USH2A: variants seen among roughly 807,000 people sequenced by gnomAD.
USH2A encodes Usher syndrome 2A (autosomal recessive, mild).
USH2A carries 443 observed loss-of-function variants against 538.9 expected under a neutral mutation model. The observed-to-expected ratio is 0.82, with a 90% CI of 0.76 to 0.89. The LOEUF is 0.89. USH2A is among the 40% of genes least tolerant of loss of function. The probability of loss-of-function intolerance (pLI) is 0.00; values close to 1 mark genes in which losing one functional copy is unlikely to be tolerated. For missense variants in USH2A, 6,633 were observed against 6,324.8 expected (o/e 1.05, Z -1.65); for synonymous variants, 2,413 against 2,273.5 (o/e 1.06, Z -1.75).
At chr1:216,016,164 T>TGGG (rs34992985) in intron 32 of USH2A, among the ~76,000 whole-genome samples, 1 of 68,060 alleles carries the variant, frequency 1.5e-5, no homozygotes, top group African/African-American at 6.0e-5. Flanking sequence ...GGACACAGGG[T>TGGG]GGGGAACATC....
chr1:215,900,771 T>C lies in USH2A; in HGVS notation c.7435A>G (p.Thr2479Ala). Residue 2479 changes from threonine to alanine, a missense_variant, in exon 39 of 72, where the codon ACC becomes GCC. By Grantham distance (58) the Thr-to-Ala change is moderately conservative (BLOSUM62 0). Transcript: ENST00000307340. ...AATGCTCACTCTAGAAATCCATGGG[T>C]GGAGTCGCCAGACCTCATCTGGAGT... ...YQLQMRSGDS[T>A]HGFLELFSNP... 6.2e-7 allele frequency: 1 copy of C among 1,613,564 alleles called. No individual in the cohort carries two copies. Among genetic ancestry groups the C allele is most frequent in the Non-Finnish European group, 8.5e-7 (1 of 1,179,698 alleles).
chr1:215,853,814 A>C (rs1350223235), intron 44 of USH2A, among the ~76,000 whole-genome samples: 1 of 152,130 alleles, frequency 6.6e-6, no homozygotes, highest in African/African-American at 2.4e-5. Context: ...CAAATTCCTC[A>C]TCTCCATCTG....
At chr1:215,655,815 G>C (rs888043927) in intron 64 of USH2A, among the ~76,000 whole-genome samples, 1 of 142,240 alleles carries the variant, frequency 7.0e-6, no homozygotes, top group Non-Finnish European at 1.5e-5. Context: ...GACTCACTGC[G>C]ATCTCCACCT....
intron 3 of USH2A, among the ~76,000 whole-genome samples, chr1:216,371,163 T>C: frequency 6.6e-6 from 1 of 152,236 alleles, no homozygotes; most frequent in East Asian, 1.9e-4. Context: ...ATAACTTCAG[T>C]TCACAAGTTC....
At chr1:216,331,934 A>G (rs140660528) in intron 4 of USH2A, among the ~76,000 whole-genome samples, 17 of 152,280 alleles carry the variant, frequency 1.1e-4, no homozygotes, top group African/African-American at 3.8e-4. Context: ...CAACTTATTG[A>G]GAACTCTGGA....
At chr1:216,133,869 T>C (rs567458702) in intron 21 of USH2A, among the ~76,000 whole-genome samples, 2 of 152,278 alleles carry the variant, frequency 1.3e-5, no homozygotes, top group African/African-American at 4.8e-5. Context: ...TTTCCTTTTT[T>C]AGTAAACTCA....
chr1:216,281,954 T>C (rs1331882871), intron 11 of USH2A, among the ~76,000 whole-genome samples: 1 of 149,392 alleles, frequency 6.7e-6, no homozygotes, highest in Non-Finnish European at 1.5e-5. Flanking sequence ...ATTTCCCTGA[T>C]GACTAATGTC....
intron 4 of USH2A, among the ~76,000 whole-genome samples, chr1:216,355,377 A>AAGAAAGAAAGAAAGAAAGAG (rs2038373530): frequency 6.9e-6 from 1 of 145,718 alleles, no homozygotes; most frequent in East Asian, 2.1e-4. Context: ...GAAAGAAAGA[A>AAGAAAGAAAGAAAGAAAGAG]GGAAAGAAAC....
chr1:215,704,779 C>T (rs1366056507), intron 61 of USH2A, among the ~76,000 whole-genome samples: 3 of 152,176 alleles, frequency 2.0e-5, no homozygotes, highest in Non-Finnish European at 2.9e-5. Context: ...CTTGAAAATA[C>T]AAATTTAATG....
chr1:215,672,445 C>T (rs1330728456), intron 63 of USH2A, among the ~76,000 whole-genome samples: 1 of 152,168 alleles, frequency 6.6e-6, no homozygotes, highest in East Asian at 1.9e-4. Context: ...GTTCTCCTCT[C>T]ATGCCGATCT....
intron 65 of USH2A, among the ~76,000 whole-genome samples, chr1:215,649,302 T>C (rs1453674108): frequency 1.3e-5 from 2 of 152,224 alleles, no homozygotes; most frequent in Non-Finnish European, 2.9e-5. Flanking sequence ...TGTTGGTTTT[T>C]ACAAAATATC....
intron 33 of USH2A, among the ~76,000 whole-genome samples, chr1:215,999,653 C>A (rs763826441): frequency 3.3e-5 from 5 of 152,112 alleles, no homozygotes; most frequent in African/African-American, 4.8e-5. Flanking sequence ...AGTCATAGAA[C>A]AGACAGGAAA....
chr1:216,206,395 G>A (rs993805551), intron 16 of USH2A, among the ~76,000 whole-genome samples: 1 of 152,066 alleles, frequency 6.6e-6, no homozygotes, highest in Admixed American at 6.6e-5. Flanking sequence ...CATGATTCAA[G>A]CGCATTATAT....
At chr1:215,766,618 G>T (rs578164306) in intron 56 of USH2A, 63 bp downstream of exon 56, 2 of 1,441,460 alleles carry the variant, frequency 1.4e-6, no homozygotes, top group East Asian at 2.3e-5. Flanking sequence ...GGAGTTTACA[G>T]ATTCCACCTC....
At chr1:215,848,874 A>C (rs1228210644) in intron 44 of USH2A, among the ~76,000 whole-genome samples, 1 of 152,202 alleles carries the variant, frequency 6.6e-6, no homozygotes, top group African/African-American at 2.4e-5. Flanking sequence ...CATCTTTTTC[A>C]TTGCTCAAAT....
intron 43 of USH2A, among the ~76,000 whole-genome samples, chr1:215,868,720 AAG>A (rs1171567889): frequency 6.6e-6 from 1 of 152,178 alleles, no homozygotes; most frequent in African/African-American, 2.4e-5. Flanking sequence ...TGGAAGAAAA[AAG>A]AGAGAGAAAT....
chr1:215,897,204 G>A (rs543209332), intron 40 of USH2A, among the ~76,000 whole-genome samples: 1 of 152,220 alleles, frequency 6.6e-6, no homozygotes, highest in Admixed American at 6.5e-5. Flanking sequence ...TCACAGGCTT[G>A]CTGAAAATCA....
At chr1:216,407,517 T>C (rs2039414276) in intron 3 of USH2A, among the ~76,000 whole-genome samples, 1 of 152,126 alleles carries the variant, frequency 6.6e-6, no homozygotes, top group African/African-American at 2.4e-5. Context: ...AGAATACTTT[T>C]GAATGTTGCA....
intron 47 of USH2A, among the ~76,000 whole-genome samples, chr1:215,836,720 C>A (rs1663543603): frequency 6.9e-6 from 1 of 145,524 alleles, no homozygotes; most frequent in African/African-American, 2.5e-5. Flanking sequence ...CCACGCCCTG[C>A]TAATTTTTTG....
Sources: allele counts gnomAD v4.1 joint callset (sites outside exome capture counted in the v4.1 genomes callset), GRCh38; gene constraint gnomAD v4.1.1; transcripts MANE v1.5; gene names NCBI Gene and HGNC (gene_info 2026-07-23, HGNC 2026-07-21).